The following SIM1 variants were observed in gnomAD, a reference collection of about 807,000 sequenced individuals.
SIM1 encodes single-minded homolog 1.
In SIM1, 18 loss-of-function variants were observed where a neutral mutation model predicts 78.2. The observed-to-expected ratio is 0.23, with a 90% confidence interval of 0.16 to 0.34. The LOEUF is 0.34. SIM1 is among the 10% of genes least tolerant of loss of function. The pLI is 1.00. For missense variants in SIM1, 939 were observed against 975.1 expected (o/e 0.96, Z 0.49); for synonymous variants, 417 against 385.2 (o/e 1.08, Z -0.97).
chr6:100,436,441 GCCA>G (rs1470631838), intron 9 of SIM1, among the ~76,000 whole-genome samples: 5 of 152,126 alleles, frequency 3.3e-5, no homozygotes, highest in African/African-American at 1.2e-4. Flanking sequence ...TTGTTCTTGG[GCCA>G]CCATCTGCTT....
At chr6:100,414,674 G>C (rs1326349536) in intron 10 of SIM1, among the ~76,000 whole-genome samples, 1 of 152,124 alleles carries the variant, frequency 6.6e-6, no homozygotes, top group Non-Finnish European at 1.5e-5. Flanking sequence ...TTACACATTT[G>C]GGTGTTACAT....
chr6:100,455,171 C>T (rs1431049764), intron 2 of SIM1, among the ~76,000 whole-genome samples: 1 of 152,192 alleles, frequency 6.6e-6, no homozygotes, highest in Admixed American at 6.5e-5. Context: ...AAGGAGGAAC[C>T]GTGAGCGCCC....
chr6:100,462,290 T>C (rs1318090508), intron 2 of SIM1, among the ~76,000 whole-genome samples: 1 of 152,194 alleles, frequency 6.6e-6, no homozygotes, highest in Non-Finnish European at 1.5e-5. Flanking sequence ...TGTTCAGTAA[T>C]CCCTCTTTTA....
At chr6:100,426,395 A>AT (rs1428240864) in intron 9 of SIM1, among the ~76,000 whole-genome samples, 3 of 152,188 alleles carry the variant, frequency 2.0e-5, no homozygotes, top group Admixed American at 6.5e-5. Flanking sequence ...AAATGGGGCC[A>AT]TTTTTGTATC....
chr6:100,434,093 T>C (rs954838949), intron 9 of SIM1, among the ~76,000 whole-genome samples: 4 of 152,246 alleles, frequency 2.6e-5, no homozygotes, highest in Admixed American at 2.6e-4. Context: ...TAAAGTGCCA[T>C]GTAACGTCTG....
chr6:100,413,354 C>A lies in SIM1; in HGVS notation c.1167+7436G>T, dbSNP rs542870089. ...TAGGTGGCCAAGGCAATCTGGTTAC[C>A]ACGGGCAACATCTCCTATCCTCATG... On this transcript the variant is annotated intron_variant, in intron 10 of 11. Coordinates refer to ENST00000369208, the MANE Select transcript of SIM1 (RefSeq NM_005068.3). Among the ~76,000 whole-genome samples, 104 of 152,262 alleles carry A rather than the reference C, an allele frequency of 6.8e-4. 4 individuals are homozygous for A. The South Asian group carries it at 0.019, about 28-fold the overall frequency.
At chr6:100,432,100 C>A (rs923053829) in intron 9 of SIM1, among the ~76,000 whole-genome samples, 1 of 152,190 alleles carries the variant, frequency 6.6e-6, no homozygotes, top group Admixed American at 6.5e-5. Context: ...GAGCTATGAT[C>A]ATGCCATTGC....
intron 10 of SIM1, among the ~76,000 whole-genome samples, chr6:100,412,661 G>GAA (rs1771254718): frequency 8.2e-6 from 1 of 122,126 alleles, no homozygotes; most frequent in Non-Finnish European, 1.7e-5. Context: ...AAGAAAGAGA[G>GAA]AGAGAGAGAG....
intron 9 of SIM1, among the ~76,000 whole-genome samples, chr6:100,441,548 A>C (rs1169039993): frequency 3.3e-5 from 5 of 152,224 alleles, no homozygotes; most frequent in African/African-American, 9.6e-5. Flanking sequence ...TTGTTTAGCA[A>C]AAACATAAAA....
At chr6:100,448,059 T>G in intron 8 of SIM1, 87 bp downstream of exon 8, 1 of 1,105,878 alleles carries the variant, frequency 9.0e-7, no homozygotes, top group East Asian at 2.6e-5. Flanking sequence ...CCTGTCCTCT[T>G]GCGAGGGATT....
rs532142781 is a variant in SIM1 at position 100,390,555 on chromosome 6, G to C, written c.2107C>G (p.Arg703Gly). ...TVSPNCFGSH[R>G]QYFDKHAYTL... ...TAAGCATGCTTGTCAAAATACTGCC[G>C]GTGAGAGCCAAAGCAGTTTGGAGAG... Residue 703 changes from arginine to glycine, a missense_variant, in exon 12 of 12, where the codon CGG (arginine) becomes GGG (glycine). Arg to Gly is a moderately radical substitution (Grantham distance 125, BLOSUM62 -2). Transcript: ENST00000369208. The C allele has an allele frequency of 1.2e-6, 2 of 1,614,122 alleles. No homozygotes were observed. The highest frequency in any genetic ancestry group is 1.3e-5 in the African/African-American group (1 of 75,042).
intron 9 of SIM1, among the ~76,000 whole-genome samples, chr6:100,421,797 C>T (rs35291121): frequency 0.061 from 9,299 of 152,178 alleles, 392 homozygotes; most frequent in Middle Eastern, 0.11. Flanking sequence ...TCATCGGACT[C>T]CTCAGTTTTC....
rs57211422 is a variant in SIM1 at position 100,385,669 on chromosome 6, ATGTGTGTG to A, written c.*4684_*4691del. On this transcript the variant is annotated 3_prime_UTR_variant, in exon 12 of 12. Transcript: ENST00000369208. Reference sequence around the variant, plus strand: ...TATGTGAACCATCATTTATTTATTTATGTGTGTGTGTGTGTGTGTGTGTGTGTGTGTGT... The same window carrying A: ...TATGTGAACCATCATTTATTTATTTATGTGTGTGTGTGTGTGTGTGTGTGT... The A allele has an allele frequency of 0.014, 2,030 of 143,342 alleles. 27 individuals are homozygous for A. The highest frequency in any genetic ancestry group is 0.036 in the African/African-American group (1,363 of 38,156). The allele number at this position is 143,342 out of a possible 1,614,324, so 8.9% of individuals were successfully genotyped here. A position where few individuals can be genotyped will look rare whatever the true frequency, so the allele number is the denominator to read the frequency against.
intron 10 of SIM1, among the ~76,000 whole-genome samples, chr6:100,394,411 G>A (rs554552183): frequency 1.2e-4 from 18 of 152,206 alleles, no homozygotes; most frequent in Middle Eastern, 6.8e-3. Context: ...TGCTTTCCAC[G>A]TATTTTTTGG....
chr6:100,390,181 G>C lies in SIM1; in HGVS notation c.*180C>G. ...TGTATTCAATTTAGCTCCCTTTTCT[G>C]TGTATAACCCTGAATGCTAGTGCTA... On this transcript the variant is annotated 3_prime_UTR_variant, in exon 12 of 12. Transcript: ENST00000369208. 1 of 647,312 alleles carries C rather than the reference G, an allele frequency of 1.5e-6. No individual in the cohort carries two copies. 40.1% of individuals were successfully genotyped at this position (647,312 alleles called of 1,614,324 possible). A position where few individuals can be genotyped will look rare whatever the true frequency, so the allele number is the denominator to read the frequency against.
intron 10 of SIM1, among the ~76,000 whole-genome samples, chr6:100,410,148 T>C (rs1487536782): frequency 1.3e-5 from 2 of 152,258 alleles, no homozygotes; most frequent in Non-Finnish European, 2.9e-5. Flanking sequence ...TCATTAACTC[T>C]AGAAGGGTCA....
chr6:100,401,577 T>A (rs1770916592), intron 10 of SIM1, among the ~76,000 whole-genome samples: 1 of 151,274 alleles, frequency 6.6e-6, no homozygotes, highest in African/African-American at 2.4e-5. Context: ...TCAAAAAAAA[T>A]AAATAATAAT....
intron 9 of SIM1, among the ~76,000 whole-genome samples, chr6:100,436,623 CATG>C (rs2094208044): frequency 1.3e-5 from 2 of 152,250 alleles, no homozygotes; most frequent in Admixed American, 6.5e-5. Context: ...CAACCTTACA[CATG>C]ATCTCATTAA....
chr6:100,405,500 C>T (rs926683949), intron 10 of SIM1, among the ~76,000 whole-genome samples: 3 of 151,936 alleles, frequency 2.0e-5, no homozygotes, highest in Non-Finnish European at 4.4e-5. Context: ...CACAAGATTT[C>T]CCCCCATTAT....
Sources: gnomAD v4.1 joint callset for allele counts (sites outside exome capture counted in the v4.1 genomes callset) on GRCh38, gnomAD v4.1.1 for gene constraint, MANE v1.5 for transcripts, NCBI Gene and HGNC (gene_info 2026-07-23, HGNC 2026-07-21) for gene names.